BRINP3: variants seen among roughly 807,000 people sequenced by gnomAD.
The protein encoded by BRINP3 is BMP/retinoic acid inducible neural specific 3.
A neutral mutation model predicts 71.0 loss-of-function variants in BRINP3; 19 were observed. The ratio of observed to expected loss-of-function variants is 0.27; its 90% CI spans 0.19 to 0.39. The LOEUF (loss-of-function observed/expected upper bound fraction) is 0.39, where lower values mean the gene tolerates loss of function less well. Among genes scored for constraint, BRINP3 ranks in the 10% least tolerant of loss-of-function variants. The probability of loss-of-function intolerance (pLI) is 1.00; values close to 1 mark genes in which losing one functional copy is unlikely to be tolerated. For missense variants in BRINP3, 959 were observed against 940.8 expected (o/e 1.02, Z -0.25); for synonymous variants, 380 against 337.7 (o/e 1.13, Z -1.37).
intron 3 of BRINP3, 145 bp downstream of exon 3, chr1:190,281,415 T>A: frequency 1.4e-6 from 1 of 739,714 alleles, no homozygotes; most frequent in Non-Finnish European, 2.2e-6. Flanking sequence ...CATTTAATAA[T>A]CACTCAAAAT....
In BRINP3 at chr1:190,454,822, C is replaced by A. The variant is rs1571356277; in HGVS notation, c.69G>T (p.Leu23=). 1 of 1,614,166 alleles carries A rather than the reference C, an allele frequency of 6.2e-7. No homozygotes were observed. Among genetic ancestry groups the A allele is most frequent in the East Asian group, 2.2e-5 (1 of 44,860 alleles). The change falls in exon 2 of 8, where the codon CTG becomes CTT. Residue 23 remains leucine (L), a synonymous_variant. Transcript: ENST00000367462. ...CCGCTAAAACCCAGCAATGAAGACT[C>A]AGTGCTATCCACTCCCATAGAGCCA... ...SLMALWEWIA[L]SLHCWVLAVA...
chr1:190,118,060 C>T (rs1323983628), intron 7 of BRINP3, among the ~76,000 whole-genome samples: 1 of 151,140 alleles, frequency 6.6e-6, no homozygotes, highest in Non-Finnish European at 1.5e-5. Context: ...GCAAAGGGTA[C>T]AAATAAATCT....
At chr1:190,141,130 G>A (rs908833929) in intron 7 of BRINP3, among the ~76,000 whole-genome samples, 2 of 151,750 alleles carry the variant, frequency 1.3e-5, no homozygotes, top group African/African-American at 4.8e-5. Context: ...TTTTTCATAG[G>A]TTTTCTAATT....
intron 7 of BRINP3, among the ~76,000 whole-genome samples, chr1:190,117,232 T>C (rs1170562762): frequency 1.3e-5 from 2 of 151,998 alleles, no homozygotes; most frequent in Admixed American, 6.6e-5. Flanking sequence ...TAACTTTCTA[T>C]AAGAAGCTTG....
intron 6 of BRINP3, among the ~76,000 whole-genome samples, chr1:190,162,519 TAA>T (rs1240317365): frequency 2.6e-5 from 4 of 152,154 alleles, no homozygotes; most frequent in African/African-American, 9.7e-5. Context: ...CTCTTTTGAA[TAA>T]AGAGTTAATG....
intron 2 of BRINP3, among the ~76,000 whole-genome samples, chr1:190,423,895 A>G (rs1673538172): frequency 6.6e-6 from 1 of 151,708 alleles, no homozygotes; most frequent in African/African-American, 2.4e-5. Context: ...CTGTAATCCA[A>G]TTTTAAGCAA....
intron 2 of BRINP3, among the ~76,000 whole-genome samples, chr1:190,357,712 A>T (rs1668830516): frequency 6.6e-6 from 1 of 151,922 alleles, no homozygotes; most frequent in African/African-American, 2.4e-5. Flanking sequence ...GAAGAAAGTC[A>T]TTGGTAGCTT....
intron 2 of BRINP3, among the ~76,000 whole-genome samples, chr1:190,337,817 G>C (rs1465095549): frequency 6.6e-6 from 1 of 152,014 alleles, no homozygotes; most frequent in African/African-American, 2.4e-5. Flanking sequence ...AGAGAACCCT[G>C]ACTAATACAG....
intron 2 of BRINP3, among the ~76,000 whole-genome samples, chr1:190,383,271 AT>A (rs1670668452): frequency 1.3e-5 from 2 of 152,110 alleles, no homozygotes; most frequent in Admixed American, 1.3e-4. Flanking sequence ...AGCCTGATTT[AT>A]TATTCATGGA....
intron 2 of BRINP3, among the ~76,000 whole-genome samples, chr1:190,440,446 T>G (rs1412337004): frequency 6.6e-6 from 1 of 151,950 alleles, no homozygotes; most frequent in Non-Finnish European, 1.5e-5. Flanking sequence ...TTTAGAAACT[T>G]TTAATTTCTA....
At chr1:190,290,743 G>T (rs932441712) in intron 2 of BRINP3, among the ~76,000 whole-genome samples, 1 of 152,076 alleles carries the variant, frequency 6.6e-6, no homozygotes, top group Non-Finnish European at 1.5e-5. Context: ...AGAGAAGATT[G>T]TTAGAAATAA....
intron 4 of BRINP3, among the ~76,000 whole-genome samples, chr1:190,251,341 T>C (rs190118451): frequency 6.6e-6 from 1 of 152,134 alleles, no homozygotes; most frequent in Non-Finnish European, 1.5e-5. Flanking sequence ...TAACTCTCCC[T>C]ATTTTCCTGA....
At chr1:190,460,686 C>G (rs930486577) in intron 1 of BRINP3, among the ~76,000 whole-genome samples, 1 of 152,148 alleles carries the variant, frequency 6.6e-6, no homozygotes. Flanking sequence ...GGCATACTGC[C>G]TGTGGCCATT....
chr1:190,249,051 T>C (rs1202286154), intron 4 of BRINP3, among the ~76,000 whole-genome samples: 1 of 151,836 alleles, frequency 6.6e-6, no homozygotes, highest in Non-Finnish European at 1.5e-5. Flanking sequence ...GTTGCTATTT[T>C]TTTTTCTTTA....
intron 2 of BRINP3, among the ~76,000 whole-genome samples, chr1:190,397,404 A>G (rs1671651803): frequency 2.0e-5 from 3 of 151,802 alleles, no homozygotes; most frequent in African/African-American, 7.3e-5. Flanking sequence ...CTGTCTCTGC[A>G]TTTCTAGCTC....
chr1:190,342,710 T>A (rs1409633623), intron 2 of BRINP3: 1 of 151,800 alleles, frequency 6.6e-6, no homozygotes, highest in Non-Finnish European at 1.5e-5. Context: ...CCTCCCTTTA[T>A]GATGTCAATC....
intron 2 of BRINP3, among the ~76,000 whole-genome samples, chr1:190,291,004 C>T (rs1663823026): frequency 6.6e-6 from 1 of 151,574 alleles, no homozygotes; most frequent in Non-Finnish European, 1.5e-5. Context: ...AGAGAAGAAA[C>T]AGACAAGGTT....
rs1658317075 is a variant in BRINP3, at chr1:190,234,388, A to T, written c.708T>A (p.Asn236Lys). 1.2e-6 allele frequency: 2 copies of T among 1,610,322 alleles called. No individual in the cohort carries two copies. Residue 236 changes from asparagine to lysine, a missense_variant, in exon 5 of 8, where the codon AAT becomes AAA. Coordinates refer to ENST00000367462, the MANE Select transcript of BRINP3 (RefSeq NM_199051.3). The stretch of plus-strand genomic sequence containing the variant: ...CCAACATACCTTGCAACTGAATCTT[A>T]TTCTCAGGACTCTGAACCAGAACAG... ...VSSVLVQSPE[N>K]KIQLQGLQVL...
intron 7 of BRINP3, among the ~76,000 whole-genome samples, chr1:190,125,142 T>C (rs1447262318): frequency 2.6e-5 from 4 of 151,916 alleles, no homozygotes; most frequent in Non-Finnish European, 4.4e-5. Flanking sequence ...AGTATTCAAA[T>C]GCCTAACTAG....
Sources: allele counts gnomAD v4.1 joint callset (sites outside exome capture counted in the v4.1 genomes callset), GRCh38; gene constraint gnomAD v4.1.1; transcripts MANE v1.5; gene names NCBI Gene and HGNC (gene_info 2026-07-23, HGNC 2026-07-21).